Variants in SGK1 observed in about 807,000 individuals in gnomAD.
SGK1 encodes serine/threonine-protein kinase Sgk1.
Under a neutral mutation model 64.2 loss-of-function variants are expected in SGK1, and 26 were observed. That is an observed-to-expected ratio of 0.40 (90% CI 0.30 to 0.56). The LOEUF (loss-of-function observed/expected upper bound fraction) is 0.56. Among genes scored for constraint, SGK1 ranks in the 20% least tolerant of loss-of-function variants. SGK1 has a pLI of 0.38. For synonymous variants in SGK1, 265 were observed against 239.7 expected, an observed-to-expected ratio of 1.11 and a Z score of -0.98; for missense variants, 519 against 645.6, an observed-to-expected ratio of 0.80 and a Z score of 2.12.
At chr6:134,170,664 C>A in intron 13 of SGK1, 162 bp downstream of exon 13, 2 of 696,100 alleles carry the variant, frequency 2.9e-6, no homozygotes, top group Non-Finnish European at 4.9e-6. Flanking sequence ...ATTATGGGAG[C>A]CTTGTTGGGA....
chr6:134,302,236 T>C (rs1792415314), intron 1 of SGK1, among the ~76,000 whole-genome samples: 2 of 152,354 alleles, frequency 1.3e-5, no homozygotes, highest in Admixed American at 1.3e-4. Flanking sequence ...TATTTCCATA[T>C]CTTTTTGTCC....
At chr6:134,194,553 C>T (rs1402443905) in intron 3 of SGK1, among the ~76,000 whole-genome samples, 1 of 147,700 alleles carries the variant, frequency 6.8e-6, no homozygotes, top group Non-Finnish European at 1.5e-5. Flanking sequence ...GAGTCTCGCT[C>T]CGTTACCCAG....
intron 2 of SGK1, among the ~76,000 whole-genome samples, chr6:134,250,349 A>G (rs1776588967): frequency 6.6e-6 from 1 of 152,244 alleles, no homozygotes; most frequent in Admixed American, 6.5e-5. Context: ...TGAGTCACTT[A>G]TATAATACCA....
chr6:134,239,124 C>G (rs1776406898), intron 2 of SGK1, among the ~76,000 whole-genome samples: 1 of 152,294 alleles, frequency 6.6e-6, no homozygotes, highest in Non-Finnish European at 1.5e-5. Flanking sequence ...CAGTAGCAAG[C>G]ACATCTGGAA....
intron 1 of SGK1, among the ~76,000 whole-genome samples, chr6:134,295,192 G>T (rs1275162047): frequency 3.9e-5 from 6 of 152,186 alleles, no homozygotes; most frequent in Non-Finnish European, 2.9e-5. Context: ...AGTTGGGGAA[G>T]AGTAAGCTAT....
intron 11 of SGK1, 35 bp downstream of exon 11, chr6:134,171,602 A>G: frequency 7.0e-7 from 1 of 1,425,108 alleles, no homozygotes; most frequent in Non-Finnish European, 9.9e-7. Context: ...TGTAGGGAGC[A>G]GGCAGTGTTC....
At chr6:134,206,343 A>T (rs1211066861) in intron 3 of SGK1, among the ~76,000 whole-genome samples, 8 of 12,004 alleles carry the variant, frequency 6.7e-4, no homozygotes, top group African/African-American at 1.9e-3. Flanking sequence ...CTGATGATAT[A>T]TATATATATA....
intron 1 of SGK1, chr6:134,282,952 A>G (rs1204462349): frequency 6.6e-6 from 1 of 151,814 alleles, no homozygotes; most frequent in South Asian, 2.1e-4. Context: ...AAAACTCAGA[A>G]AGGCCAGGAC....
chr6:134,228,312 G>A (rs1003325183), intron 2 of SGK1, among the ~76,000 whole-genome samples: 2 of 152,074 alleles, frequency 1.3e-5, no homozygotes, highest in Non-Finnish European at 2.9e-5. Flanking sequence ...ACATAGTACT[G>A]TTTTTATTAT....
intron 1 of SGK1, among the ~76,000 whole-genome samples, chr6:134,292,047 A>G (rs1261222314): frequency 1.3e-5 from 2 of 149,152 alleles, no homozygotes; most frequent in African/African-American, 4.9e-5. Context: ...TGGGTGACAG[A>G]GCAAGACTCT....
intron 3 of SGK1, chr6:134,174,912 G>T: frequency 1.3e-6 from 2 of 1,554,522 alleles, no homozygotes; most frequent in Admixed American, 4.0e-5. Flanking sequence ...CGCCGCGGGG[G>T]CGGGGCCTGC....
intron 3 of SGK1, among the ~76,000 whole-genome samples, chr6:134,204,271 CT>C (rs1327279546): frequency 6.7e-6 from 1 of 148,408 alleles, no homozygotes; most frequent in East Asian, 1.9e-4. Context: ...TAAATAATTA[CT>C]CTAGACATAG....
At chr6:134,300,539 A>G (rs1287017583) in intron 1 of SGK1, among the ~76,000 whole-genome samples, 4 of 68,654 alleles carry the variant, frequency 5.8e-5, no homozygotes, top group Admixed American at 5.3e-4. Context: ...CTCTGTCTCA[A>G]AAAAAAAAAA....
rs559910278 is a variant in SGK1, at chr6:134,174,090, A to G, written c.438-10T>C. On this transcript the variant is annotated splice_polypyrimidine_tract_variant and intron_variant, in intron 4 of 13. Transcript: ENST00000367858. ...GGACTGAACTTCAGGGCTGCAGGGA[A>G]TAAAGGGCACGATTTAGAATCCAGC... The G allele has an allele frequency of 6.2e-7, 1 of 1,608,686 alleles. No individual in the cohort carries two copies. The highest frequency in any genetic ancestry group is 2.2e-5 in the East Asian group (1 of 44,794).
chr6:134,212,299 C>T (rs1309797128), intron 2 of SGK1, among the ~76,000 whole-genome samples: 1 of 152,074 alleles, frequency 6.6e-6, no homozygotes, highest in Non-Finnish European at 1.5e-5. Flanking sequence ...GTGATCCACC[C>T]GCTTCAGCCT....
At chr6:134,269,576 T>A (rs1776908897) in intron 1 of SGK1, among the ~76,000 whole-genome samples, 1 of 144,828 alleles carries the variant, frequency 6.9e-6, no homozygotes, top group Non-Finnish European at 1.5e-5. Flanking sequence ...GAGAATCCCT[T>A]GAACCCAGGA....
chr6:134,198,697 G>A (rs1775631987), intron 3 of SGK1, among the ~76,000 whole-genome samples: 1 of 83,382 alleles, frequency 1.2e-5, no homozygotes, highest in South Asian at 3.8e-4. Flanking sequence ...ACTTTATAGT[G>A]ATTTTTTTTC....
chr6:134,278,323 G>C (rs1019760548), intron 1 of SGK1, among the ~76,000 whole-genome samples: 1 of 152,168 alleles, frequency 6.6e-6, no homozygotes, highest in African/African-American at 2.4e-5. Flanking sequence ...GCCCTTAAGG[G>C]CAGTTGTTTA....
At chr6:134,265,558 T>C (rs867295534) in intron 1 of SGK1, among the ~76,000 whole-genome samples, 2 of 147,064 alleles carry the variant, frequency 1.4e-5, no homozygotes, top group Non-Finnish European at 3.0e-5. Context: ...ATATTTTATA[T>C]ATATACATAT....
Sources: gnomAD v4.1 joint callset for allele counts (sites outside exome capture counted in the v4.1 genomes callset) on GRCh38, gnomAD v4.1.1 for gene constraint, MANE v1.5 for transcripts, NCBI Gene and HGNC (gene_info 2026-07-23, HGNC 2026-07-21) for gene names.